Variants in CAND2 observed in about 807,000 individuals in gnomAD.
CAND2 encodes the protein cullin associated and neddylation dissociated 2 (putative).
A neutral mutation model predicts 98.9 loss-of-function variants in CAND2; 62 were observed. That is an observed-to-expected ratio of 0.63 (90% CI 0.51 to 0.77). CAND2 has a LOEUF of 0.77. Among genes scored for constraint, CAND2 ranks in the 30% least tolerant of loss-of-function variants. The pLI is 0.00. For synonymous variants in CAND2, 770 were observed against 731.9 expected (o/e 1.05, Z -0.84); for missense variants, 1,501 against 1,655.2 (o/e 0.91, Z 1.62).
intron 14 of CAND2, among the ~76,000 whole-genome samples, chr3:12,832,895 A>G (rs932213973): frequency 5.9e-5 from 9 of 152,152 alleles, no homozygotes; most frequent in African/African-American, 2.2e-4. Flanking sequence ...CCTTTCTAAA[A>G]CCCAAAATGT....
At position 12,834,549 on chromosome 3, in the gene CAND2, G is replaced by A. The variant is rs1011194264; in HGVS notation, c.*567G>A. ...ATACGGGTTTCTTTTTTCCAGGGAGGAGGAATGGGTTGGGTAGGGAACTGG... is the reference window on the plus strand; with the variant it reads ...ATACGGGTTTCTTTTTTCCAGGGAGAAGGAATGGGTTGGGTAGGGAACTGG... On this transcript the variant is annotated 3_prime_UTR_variant, in exon 15 of 15. Coordinates refer to ENST00000456430, the MANE Select transcript of CAND2 (RefSeq NM_001162499.2). 2.6e-5 allele frequency: 4 copies of A among 154,816 alleles called. No homozygotes were observed. Among genetic ancestry groups the A allele is most frequent in the African/African-American group, 9.6e-5 (4 of 41,456 alleles). 9.6% of individuals were successfully genotyped at this position (154,816 alleles called of 1,614,324 possible).
intron 1 of CAND2, among the ~76,000 whole-genome samples, chr3:12,802,084 T>C (rs142553194): frequency 0.033 from 5,087 of 152,206 alleles, 283 homozygotes; most frequent in African/African-American, 0.12. Flanking sequence ...TCCTAGCATT[T>C]TGGGAGGCCG....
Position 12,807,396 on chromosome 3 carries a change from G to T in CAND2, c.303G>T (p.Gln101His). 6.4e-7 allele frequency: 1 copy of T among 1,551,772 alleles called. No individual in the cohort carries two copies. Among genetic ancestry groups the T allele is most frequent in the East Asian group, 2.4e-5 (1 of 40,918 alleles). The change falls in exon 3 of 15, where the codon CAG (glutamine) becomes CAT (histidine). Residue 101 changes from glutamine to histidine, a missense_variant. Gln to His is a conservative substitution (Grantham distance 24, BLOSUM62 0). Transcript: ENST00000456430. The part of the protein sequence containing the change: ...LCTNMRSDKE[Q>H]LRDIAGIGLK... ...CCAACATGCGGTCAGACAAGGAGCA[G>T]CTGCGAGACATTGCCGGCATTGGCC...
At chr3:12,825,712 T>C (rs1256353612) in intron 12 of CAND2, 73 bp downstream of exon 12, 1 of 1,450,744 alleles carries the variant, frequency 6.9e-7, no homozygotes, top group African/African-American at 1.4e-5. Context: ...GTTAGGGCAT[T>C]ATTATCTCAT....
intron 12 of CAND2, 149 bp downstream of exon 12, chr3:12,825,788 C>CA: frequency 1.3e-6 from 1 of 762,522 alleles, no homozygotes; most frequent in South Asian, 1.8e-5. Flanking sequence ...TGTGGGACCC[C>CA]AGCCAGGGCA....
rs890555416 is a variant in CAND2 at position 12,815,743 on chromosome 3, C to T, written c.1300-124C>T. On this transcript the variant is annotated intron_variant, in intron 8 of 14. Transcript: ENST00000456430. This position sits in a 1 kb window ranked among gnomAD's most constrained non-coding sequence, Gnocchi z 5.7. The stretch of plus-strand genomic sequence containing the variant: ...CCTGGCACAGAGTGAGGGACGAGTG[C>T]TTGGGAGATATCTTGATGCCGACAT... The T allele has an allele frequency of 8.3e-6, 8 of 968,176 alleles. No homozygotes were observed. Among genetic ancestry groups the T allele is most frequent in the African/African-American group, 1.6e-5 (1 of 61,396 alleles). The allele number at this position is 968,176 out of a possible 1,614,324, so 60.0% of individuals were successfully genotyped here. A position where few individuals can be genotyped will look rare whatever the true frequency, so the allele number is the denominator to read the frequency against.
In CAND2 at chr3:12,815,175, G is replaced by T. The variant is rs371280566; in HGVS notation, c.1041G>T (p.Met347Ile). The T allele has an allele frequency of 6.2e-7, 1 of 1,613,144 alleles. No homozygotes were observed. Among genetic ancestry groups the T allele is most frequent in the Non-Finnish European group, 8.5e-7 (1 of 1,179,572 alleles). Reference sequence around the variant, plus strand: ...ACGAGTACAGCGATGACGATGACATGAGCTGGAAGGTGCGCCGGGCAGCTG... The same window carrying T: ...ACGAGTACAGCGATGACGATGACATTAGCTGGAAGGTGCGCCGGGCAGCTG... ...SEDEYSDDDDMSWKVRRAAAK... is the reference protein window; with the variant it reads ...SEDEYSDDDDISWKVRRAAAK... The change falls in exon 8 of 15, where the codon ATG becomes ATT. Residue 347 changes from methionine (M) to isoleucine (I), a missense_variant. This residue lies in a region of CAND2 where 1,427 missense variants were observed against 1,545.3 expected (regional missense o/e 0.92). Transcript: ENST00000456430. This position sits in a 1 kb window ranked among gnomAD's most constrained non-coding sequence, Gnocchi z 5.7.
In CAND2 at chr3:12,831,528, G is replaced by A. The variant is rs564589572; in HGVS notation, c.3439G>A (p.Val1147Met). ...GTGTCCTGCACCTGTCCTGCAGAGG[G>A]TGGACCGACTCATTGAGCCACTAAG... Reference protein sequence around the residue: ...TLCPAPVLQRVDRLIEPLRAT... With the variant: ...TLCPAPVLQRMDRLIEPLRAT... The change falls in exon 14 of 15, where the codon GTG becomes ATG. Residue 1147 changes from valine to methionine, a missense_variant. Around this residue, in one of 3 missense-constraint regions of CAND2, gnomAD observed 1,427 missense variants for 1,545.3 expected, o/e 0.92. Transcript: ENST00000456430. The A allele has an allele frequency of 4.8e-5, 77 of 1,613,968 alleles. No homozygotes were observed. The South Asian group carries it at 8.3e-4, about 17-fold the overall frequency.
At position 12,803,621 on chromosome 3, in the gene CAND2, G is replaced by A; in HGVS notation, c.202G>A (p.Ala68Thr). Residue 68 changes from alanine to threonine, a missense_variant, in exon 2 of 15, where the codon GCT (alanine) becomes ACT (threonine). By Grantham distance (58) the Ala-to-Thr change is moderately conservative. This residue lies in a region of CAND2 where 12 missense variants were observed against 32.6 expected (regional missense o/e 0.37). Transcript: ENST00000456430. Reference sequence around the variant, plus strand: ...CAAGAACGGTGAGGTGCAGAACCTGGCTGTCAAGTGGTGAGTGTCAGCCTC... The same window carrying A: ...CAAGAACGGTGAGGTGCAGAACCTGACTGTCAAGTGGTGAGTGTCAGCCTC... ...EDKNGEVQNLAVKCLGPLVVK... is the reference protein window; with the variant it reads ...EDKNGEVQNLTVKCLGPLVVK... The A allele has an allele frequency of 1.2e-6, 2 of 1,607,450 alleles. No individual in the cohort carries two copies. Among genetic ancestry groups the A allele is most frequent in the South Asian group, 2.2e-5 (2 of 90,180 alleles).
At chr3:12,797,774 C>A (rs76992653) in intron 1 of CAND2, among the ~76,000 whole-genome samples, 2 of 151,824 alleles carry the variant, frequency 1.3e-5, no homozygotes, top group Non-Finnish European at 2.9e-5. Flanking sequence ...GGTTCAGTCA[C>A]AGCGAGGAAG....
At chr3:12,828,444 T>G (rs1194411027) in intron 13 of CAND2, among the ~76,000 whole-genome samples, 2 of 151,332 alleles carry the variant, frequency 1.3e-5, no homozygotes, top group African/African-American at 4.9e-5. Flanking sequence ...TTCAAGCGAT[T>G]CTCCTGCCTC....
chr3:12,827,269 C>T (rs1225638518), intron 12 of CAND2, among the ~76,000 whole-genome samples, 171 bp from the exon 13 acceptor site: 1 of 152,150 alleles, frequency 6.6e-6, no homozygotes, highest in Non-Finnish European at 1.5e-5. Flanking sequence ...ACTGTTATCA[C>T]TTGGGGGAAA....
intron 3 of CAND2, among the ~76,000 whole-genome samples, chr3:12,807,826 A>G (rs2061819372): frequency 1.3e-5 from 2 of 152,200 alleles, no homozygotes; most frequent in Admixed American, 1.3e-4. Context: ...CTTTATAGGG[A>G]AAGCACACGT....
At position 12,813,226 on chromosome 3, in the gene CAND2, T is replaced by C; in HGVS notation, c.864-20T>C. ...TGTCCTGGCTGGATCCAGCAAAGCA[T>C]TCCTCATCCTGCCCCACAGGTGCCC... On this transcript the variant is annotated intron_variant, in intron 6 of 14. Transcript: ENST00000456430. The C allele has an allele frequency of 6.2e-7, 1 of 1,611,638 alleles. No individual in the cohort carries two copies. Among genetic ancestry groups the C allele is most frequent in the Non-Finnish European group, 8.5e-7 (1 of 1,179,134 alleles).
chr3:12,833,674 G>C, intron 14 of CAND2, 81 bp from the exon 15 acceptor site: 1 of 1,110,416 alleles, frequency 9.0e-7, no homozygotes, highest in South Asian at 1.3e-5. Flanking sequence ...GGGGCAGAGA[G>C]GAAGCCAAAG....
At chr3:12,819,529 G>T (rs2061937791) in intron 10 of CAND2, among the ~76,000 whole-genome samples, 1 of 152,158 alleles carries the variant, frequency 6.6e-6, no homozygotes, top group South Asian at 2.1e-4. Flanking sequence ...AGCTCTCTGT[G>T]ACCGAGCCTG....
In CAND2 at chr3:12,817,258, A is replaced by G. The variant is rs756661492; in HGVS notation, c.2326A>G (p.Lys776Glu). ...GTRPPCVDYA[K>E]LISLLTAPVY... ...CCGTCCCCCGTGTGTGGACTATGCC[A>G]AACTCATCAGCCTGCTCACTGCGCC... The change falls in exon 10 of 15, where the codon AAA becomes GAA. Residue 776 changes from lysine to glutamate, a missense_variant. Around this residue, in one of 3 missense-constraint regions of CAND2, gnomAD observed 1,427 missense variants for 1,545.3 expected, o/e 0.92. Transcript: ENST00000456430. The G allele has an allele frequency of 6.2e-7, 1 of 1,613,946 alleles. No homozygotes were observed. The highest frequency in any genetic ancestry group is 8.5e-7 in the Non-Finnish European group (1 of 1,180,024).
At position 12,813,020 on chromosome 3, in the gene CAND2, T is replaced by C; in HGVS notation, c.788T>C (p.Val263Ala). The C allele has an allele frequency of 6.3e-7, 1 of 1,580,884 alleles. No homozygotes were observed. The change falls in exon 6 of 15, where the codon GTG (valine) becomes GCG (alanine). Residue 263 changes from valine (V) to alanine (A), a missense_variant. Physicochemically the swap from Val to Ala is moderately conservative, Grantham distance 64. Coordinates refer to ENST00000456430, the MANE Select transcript of CAND2 (RefSeq NM_001162499.2). Reference protein sequence around the residue: ...GAHLDRLVPLVEDFCNLDDDE... With the variant: ...GAHLDRLVPLAEDFCNLDDDE... Reference sequence around the variant, plus strand: ...CACCTGGACCGCCTGGTGCCCCTGGTGGAGGATTTCTGCAACCTGGATGAT... The same window carrying C: ...CACCTGGACCGCCTGGTGCCCCTGGCGGAGGATTTCTGCAACCTGGATGAT...
intron 10 of CAND2, among the ~76,000 whole-genome samples, chr3:12,818,688 A>G (rs1037658398): frequency 6.6e-6 from 1 of 152,240 alleles, no homozygotes; most frequent in African/African-American, 2.4e-5. Context: ...GAATGCAGGT[A>G]CAGTGTTTGG....
Sources: allele counts gnomAD v4.1 joint callset (sites outside exome capture counted in the v4.1 genomes callset), GRCh38; gene constraint gnomAD v4.1.1; regional missense constraint gnomAD v4.1.1; non-coding constraint Gnocchi (gnomAD v3.1); transcripts MANE v1.5; gene names NCBI Gene and HGNC (gene_info 2026-07-23, HGNC 2026-07-21).